Variants in C12orf76 observed in about 807,000 individuals in gnomAD.
The protein encoded by C12orf76 is chromosome 12 open reading frame 76.
A neutral mutation model predicts 6.8 loss-of-function variants in C12orf76; 6 were observed. The observed-to-expected ratio is 0.88, with a 90% CI of 0.48 to 1.73. The LOEUF is 1.73. C12orf76 is among the 40% of genes most tolerant of loss of function. The pLI, the probability that C12orf76 is intolerant of heterozygous loss-of-function variation, is 0.01. For missense variants in C12orf76, 99 were observed against 98.2 expected, an observed-to-expected ratio of 1.01 and a Z score of -0.03; for synonymous variants, 56 against 43.7, an observed-to-expected ratio of 1.28 and a Z score of -1.11.
At chr12:110,060,674 T>C (rs996069882) in intron 2 of C12orf76, among the ~76,000 whole-genome samples, 1 of 152,158 alleles carries the variant, frequency 6.6e-6, no homozygotes, top group East Asian at 1.9e-4. Flanking sequence ...CATCTACTTC[T>C]TCTCTTGCTG....
At chr12:110,068,313 G>GAAGAAGAAGAAGAAA (rs1555253422), upstream of C12orf76, among the ~76,000 whole-genome samples, 108 of 145,878 alleles carry the variant, frequency 7.4e-4, 2 homozygotes, top group African/African-American at 2.5e-3. Context: ...AGAAGAAGAA[G>GAAGAAGAAGAAGAAA]AAGAAGAAGA....
upstream of C12orf76, among the ~76,000 whole-genome samples, chr12:110,072,501 T>A (rs1892971213): frequency 6.6e-6 from 1 of 151,906 alleles, no homozygotes; most frequent in African/African-American, 2.4e-5. Flanking sequence ...TTTTTGTTTT[T>A]TTTTTGAGTT....
chr12:110,058,923 C>T, intron 3 of C12orf76: 2 of 1,463,584 alleles, frequency 1.4e-6, no homozygotes, highest in South Asian at 2.8e-5. Flanking sequence ...TTTTGCAATT[C>T]TTACTCCCCC....
At chr12:110,066,619 C>T (rs12316974) in intron 1 of C12orf76, among the ~76,000 whole-genome samples, 10,612 of 151,776 alleles carry the variant, frequency 0.07, 405 homozygotes, top group African/African-American at 0.092. Flanking sequence ...ACCCGGGAGG[C>T]GGAGGTTGCC....
chr12:110,066,226 G>A (rs1892856663), intron 1 of C12orf76, among the ~76,000 whole-genome samples: 1 of 151,492 alleles, frequency 6.6e-6, no homozygotes, highest in South Asian at 2.1e-4. Flanking sequence ...ACAAAAATTA[G>A]CCTGGTGTGG....
Position 110,048,450 on chromosome 12 carries a change from G to A in C12orf76, c.46C>T (p.Leu16Phe). 1 of 1,505,656 alleles carries A rather than the reference G, an allele frequency of 6.6e-7. No individual in the cohort carries two copies. The highest frequency in any genetic ancestry group is 8.8e-7 in the Non-Finnish European group (1 of 1,132,276). 93.3% of individuals were successfully genotyped at this position (1,505,656 alleles called of 1,614,324 possible). ...GGGGCCTCTGCCTCCCCCACCAGGA[G>A]GCTGCAGAGGCCAAGGTACAGCCAC... ...LPWLYLGLCSLLVGEAEAPSP... is the reference protein window; with the variant it reads ...LPWLYLGLCSFLVGEAEAPSP... The change falls in exon 1 of 2, where the codon CTC (leucine) becomes TTC (phenylalanine). Residue 16 changes from leucine (L) to phenylalanine (F), a missense_variant. Coordinates refer to ENST00000615315, the MANE Select transcript of C12orf76 (RefSeq NM_001389625.1).
At chr12:110,043,866 A>AAAAC (rs139844681) in intron 1 of C12orf76, among the ~76,000 whole-genome samples, 99,492 of 136,222 alleles carry the variant, frequency 0.73, 34,560 homozygotes, top group Non-Finnish European at 0.78. Flanking sequence ...AAAAAAAACA[A>AAAAC]AAACAAAAAA....
upstream of C12orf76, among the ~76,000 whole-genome samples, chr12:110,053,239 C>A (rs974617436): frequency 6.6e-6 from 1 of 151,932 alleles, no homozygotes; most frequent in African/African-American, 2.4e-5. Flanking sequence ...TGGCTCACGC[C>A]TGTAATCCCA....
upstream of C12orf76, among the ~76,000 whole-genome samples, chr12:110,068,255 AGAAGAAGAAGAAG>A (rs1892904105): frequency 1.5e-5 from 1 of 64,590 alleles, no homozygotes; most frequent in Non-Finnish European, 3.3e-5. Flanking sequence ...AGAAAGAAGA[AGAAGAAGAAGAAG>A]AAGAAGAAGA....
At chr12:110,049,903 C>G (rs1217557995), upstream of C12orf76, 3 of 152,162 alleles carry the variant, frequency 2.0e-5, no homozygotes, top group Non-Finnish European at 4.4e-5. Context: ...GCATGCAGCC[C>G]CTGTCACGTA....
upstream of C12orf76, among the ~76,000 whole-genome samples, chr12:110,052,925 G>C (rs552783744): frequency 7.2e-5 from 11 of 152,328 alleles, no homozygotes; most frequent in South Asian, 2.3e-3. Context: ...GTTCATGGCT[G>C]GGCGCAGTGG....
chr12:110,052,587 CT>C (rs1892599273), upstream of C12orf76, among the ~76,000 whole-genome samples: 1 of 152,230 alleles, frequency 6.6e-6, no homozygotes, highest in Admixed American at 6.5e-5. Flanking sequence ...GAGATAGTTA[CT>C]GTGACTGATT....
upstream of C12orf76, among the ~76,000 whole-genome samples, chr12:110,072,166 C>T (rs901703352): frequency 6.6e-6 from 1 of 152,096 alleles, no homozygotes; most frequent in African/African-American, 2.4e-5. Flanking sequence ...GTGGCTCACG[C>T]CTGTAATCCT....
intron 2 of C12orf76, among the ~76,000 whole-genome samples, chr12:110,061,313 A>C (rs1892767633): frequency 6.6e-6 from 1 of 151,602 alleles, no homozygotes; most frequent in African/African-American, 2.4e-5. Context: ...TCCTTGACTC[A>C]TTCTCTCCCT....
At chr12:110,053,020 G>A (rs1892608441), upstream of C12orf76, among the ~76,000 whole-genome samples, 2 of 151,660 alleles carry the variant, frequency 1.3e-5, no homozygotes, top group Non-Finnish European at 2.9e-5. Context: ...GGCCAACATG[G>A]CGAAACCCTG....
intron 3 of C12orf76, among the ~76,000 whole-genome samples, chr12:110,058,118 A>C (rs1892705137): frequency 6.6e-6 from 1 of 151,338 alleles, no homozygotes; most frequent in South Asian, 2.1e-4. Context: ...TCACTCAGGC[A>C]ATCATTGTTG....
At position 110,061,506 on chromosome 12, in the gene C12orf76, CCTCCACT is replaced by C. The variant is rs936550446; in HGVS notation, n.381-2350_381-2344del. ...CCTTTCCTCCAGTCTTACCCTGTCC[CCTCCACT>C]CTCTATACTGCACACTGCATACTTT... On this transcript the variant is annotated intron_variant and non_coding_transcript_variant, in intron 2 of 4. Coordinates refer to the C12orf76 transcript ENST00000309050. Among the ~76,000 whole-genome samples the C allele has an allele frequency of 1.4e-4, 21 of 151,952 alleles. 1 individual carries two copies.
chr12:110,064,019 G>T (rs758407273), intron 2 of C12orf76, among the ~76,000 whole-genome samples: 1 of 152,174 alleles, frequency 6.6e-6, no homozygotes, highest in Non-Finnish European at 1.5e-5. Context: ...ATTTAGGCCT[G>T]TGGGACTGTG....
In C12orf76 at chr12:110,048,388, G is replaced by C. The variant is rs909665810; in HGVS notation, c.108C>G (p.Tyr36Ter). 5.3e-6 allele frequency: 8 copies of C among 1,515,476 alleles called. No homozygotes were observed. The highest frequency in any genetic ancestry group is 7.0e-6 in the Non-Finnish European group (8 of 1,137,092). The allele number at this position is 1,515,476 out of a possible 1,614,324, so 93.9% of individuals were successfully genotyped here. The stretch of plus-strand genomic sequence containing the variant: ...CCAGGTTCTGCCCTCGCAGCACCGC[G>C]TACGGCCGGCTCCGCTCCAGCGGAT... ...PVDPLERSRPYAVLRGQNLVL... is the reference protein window; with the variant it reads ...PVDPLERSRP Residue 36 changes from tyrosine (Y) to a stop codon, truncating the protein, a stop_gained, in exon 1 of 2, where the codon TAC becomes TAG. Coordinates refer to ENST00000615315, the MANE Select transcript of C12orf76 (RefSeq NM_001389625.1). LOFTEE classifies it high-confidence loss of function.
Sources: gnomAD v4.1 joint callset for allele counts (sites outside exome capture counted in the v4.1 genomes callset) on GRCh38, gnomAD v4.1.1 for gene constraint, MANE v1.5 for transcripts, NCBI Gene and HGNC (gene_info 2026-07-23, HGNC 2026-07-21) for gene names.